The following NPR1 variants were observed in gnomAD, a reference collection of about 807,000 sequenced individuals.
The protein encoded by NPR1 is natriuretic peptide receptor 1, also known as atrial natriuretic peptide receptor 1.
NPR1 carries 57 observed loss-of-function variants against 116.9 expected under a neutral mutation model. The observed-to-expected ratio is 0.49, with a 90% CI of 0.39 to 0.61. The LOEUF is 0.61. Among genes scored for constraint, NPR1 ranks in the 20% least tolerant of loss-of-function variants. NPR1 has a pLI of 0.00. For missense variants in NPR1, 1,096 were observed against 1,409.8 expected, an observed-to-expected ratio of 0.78 and a Z score of 3.56; for synonymous variants, 555 against 601.6, an observed-to-expected ratio of 0.92 and a Z score of 1.13.
rs1669867398 is a variant in NPR1, at chr1:153,684,374, A to ATTTC, written c.1484+562_1484+565dup. Among the ~76,000 whole-genome samples, 2 of 124,604 alleles carry ATTTC rather than the reference A, an allele frequency of 1.6e-5. 1 individual carries two copies. The highest frequency in any genetic ancestry group is 5.7e-5 in the African/African-American group (2 of 35,360). The allele number at this position is 124,604 out of a possible 152,430, so 81.7% of individuals were successfully genotyped here. A position where few individuals can be genotyped will look rare whatever the true frequency, so the allele number is the denominator to read the frequency against. ...TGTGCCAGGCACTTCCACGTACACTATTTCTTTCTTTCTTTTTTTTTTTTT... is the reference window on the plus strand; with the variant it reads ...TGTGCCAGGCACTTCCACGTACACTATTTCTTTCTTTCTTTCTTTTTTTTTTTTT... On this transcript the variant is annotated intron_variant, in intron 7 of 21. Transcript: ENST00000368680.
chr1:153,686,244 G>C, intron 10 of NPR1, 44 bp downstream of exon 10: 2 of 1,564,924 alleles, frequency 1.3e-6, no homozygotes, highest in Non-Finnish European at 1.8e-6. Context: ...GGGGCCCTCG[G>C]GGACGCAAGG....
chr1:153,679,016 G>C lies in NPR1; in HGVS notation c.-93G>C. On this transcript the variant is annotated 5_prime_UTR_variant, in exon 1 of 22. Coordinates refer to ENST00000368680, the MANE Select transcript of NPR1 (RefSeq NM_000906.4). This position sits in a 1 kb window ranked among gnomAD's most constrained non-coding sequence, Gnocchi z 4.2. ...TCCCGCTCCTGCTCCTTCCCATAGGGACGCGCCTGATGCCTGGGACCGGCC... is the reference window on the plus strand; with the variant it reads ...TCCCGCTCCTGCTCCTTCCCATAGGCACGCGCCTGATGCCTGGGACCGGCC... 7.4e-7 allele frequency: 1 copy of C among 1,343,346 alleles called. No homozygotes were observed. Among genetic ancestry groups the C allele is most frequent in the Non-Finnish European group, 9.6e-7 (1 of 1,046,370 alleles). 83.2% of individuals were successfully genotyped at this position (1,343,346 alleles called of 1,614,324 possible).
rs202122245 is a variant in NPR1 at position 153,693,324 on chromosome 1, C to T, written c.3124-28C>T. The T allele has an allele frequency of 1.6e-5, 26 of 1,611,626 alleles. No individual in the cohort carries two copies. In the East Asian group the frequency reaches 5.4e-4, roughly 33 times the overall value. ...ACTGGGGAAAGGGCATGTGCCACTC[C>T]CCAGCCCATCCTCTTTTTTCCCTCC... On this transcript the variant is annotated intron_variant, in intron 21 of 21. Coordinates refer to ENST00000368680, the MANE Select transcript of NPR1 (RefSeq NM_000906.4).
At position 153,691,295 on chromosome 1, in the gene NPR1, G is replaced by A. The variant is rs763156947; in HGVS notation, c.3031+913G>A. 5.3e-5 allele frequency among the ~76,000 whole-genome samples: 8 copies of A among 152,276 alleles called. No individual in the cohort carries two copies. The South Asian group carries it at 6.2e-4, about 12-fold the overall frequency. On this transcript the variant is annotated intron_variant, in intron 20 of 21. Coordinates refer to ENST00000368680, the MANE Select transcript of NPR1 (RefSeq NM_000906.4). ...ACCTAATAAATTCTTACTCCTACCCGCCCCTTGCTCTTGCCTCCTGTTTAT... is the reference window on the plus strand; with the variant it reads ...ACCTAATAAATTCTTACTCCTACCCACCCCTTGCTCTTGCCTCCTGTTTAT...
In NPR1 at chr1:153,687,011, A is replaced by G; in HGVS notation, c.1864-5A>G. Reference sequence around the variant, plus strand: ...GGATTGGTCTGACTCTTATTGCCCCAGCAGGACATTCTGGAGAATGAGAGC... The same window carrying G: ...GGATTGGTCTGACTCTTATTGCCCCGGCAGGACATTCTGGAGAATGAGAGC... On this transcript the variant is annotated splice_polypyrimidine_tract_variant and splice_region_variant and intron_variant, in intron 11 of 21. Coordinates refer to ENST00000368680, the MANE Select transcript of NPR1 (RefSeq NM_000906.4). 1 of 1,614,098 alleles carries G rather than the reference A, an allele frequency of 6.2e-7. No homozygotes were observed. Among genetic ancestry groups the G allele is most frequent in the Non-Finnish European group, 8.5e-7 (1 of 1,179,932 alleles).
In NPR1 at chr1:153,679,438, C is replaced by T. The variant is rs1490735082; in HGVS notation, c.330C>T (p.Pro110=). The part of the protein sequence containing the change: ...AAVDLKWEHN[P]AVFLGPGCVY... ...TGGACCTCAAGTGGGAGCACAACCC[C>T]GCTGTGTTCCTGGGCCCCGGCTGCG... The change falls in exon 1 of 22, where the codon CCC becomes CCT. Residue 110 remains proline, a synonymous_variant. Transcript: ENST00000368680. The surrounding 1 kb of genome is among the most constrained non-coding windows in gnomAD (Gnocchi z 4.2). The T allele has an allele frequency of 6.5e-6, 10 of 1,543,124 alleles. No homozygotes were observed. Among genetic ancestry groups the T allele is most frequent in the East Asian group, 2.4e-5 (1 of 41,272 alleles).
chr1:153,679,890 G>A lies in NPR1; in HGVS notation c.721+61G>A, dbSNP rs1669714242. 6 of 1,507,800 alleles carry A rather than the reference G, an allele frequency of 4.0e-6. No individual in the cohort carries two copies. Among genetic ancestry groups the A allele is most frequent in the Non-Finnish European group, 5.3e-6 (6 of 1,137,678 alleles). 93.4% of individuals were successfully genotyped at this position (1,507,800 alleles called of 1,614,324 possible). A position where few individuals can be genotyped will look rare whatever the true frequency, so the allele number is the denominator to read the frequency against. On this transcript the variant is annotated intron_variant, in intron 1 of 21. Transcript: ENST00000368680. This position sits in a 1 kb window ranked among gnomAD's most constrained non-coding sequence, Gnocchi z 4.2. ...CGCAGGGCCTCCCCTCTGACCTGCC[G>A]GAGGCATCGGGACTTTCTCTCTCAT...
rs1324689367 is a variant in NPR1 at position 153,688,077 on chromosome 1, G to T, written c.2273G>T (p.Gly758Val). The T allele has an allele frequency of 3.7e-6, 6 of 1,611,228 alleles. No homozygotes were observed. In the Admixed American group the frequency reaches 6.7e-5, roughly 18 times the overall value. Residue 758 changes from glycine (G) to valine (V), a missense_variant, in exon 15 of 22, where the codon GGT becomes GTT. Coordinates refer to ENST00000368680, the MANE Select transcript of NPR1 (RefSeq NM_000906.4). ...PKEIIERVTR[G>V]EQPPFRPSLA... ...GAGATCATCGAGCGGGTGACTCGGG[G>T]TGAGCAGCCCCCCTTCCGGCCCTCC...
chr1:153,683,240 G>T, intron 5 of NPR1, 136 bp from the exon 6 acceptor site: 1 of 979,320 alleles, frequency 1.0e-6, no homozygotes, highest in East Asian at 2.7e-5. Context: ...GTGGGGACTT[G>T]GTAAGCAGGT....
rs755544852 is a variant in NPR1 at position 153,688,109 on chromosome 1, C to G, written c.2305C>G (p.Leu769Val). ...GCCCCCCTTCCGGCCCTCCCTGGCC[C>G]TGCAGAGTCACCTGGAGGAGTTGGG... Reference protein sequence around the residue: ...EQPPFRPSLALQSHLEELGLL... With the variant: ...EQPPFRPSLAVQSHLEELGLL... The change falls in exon 15 of 22, where the codon CTG (leucine) becomes GTG (valine). Residue 769 changes from leucine (L) to valine (V), a missense_variant. Transcript: ENST00000368680. 6.2e-7 allele frequency: 1 copy of G among 1,613,812 alleles called. No homozygotes were observed. The highest frequency in any genetic ancestry group is 1.1e-5 in the South Asian group (1 of 91,078).
chr1:153,689,963 G>A lies in NPR1; in HGVS notation c.2915G>A (p.Arg972His), dbSNP rs1417289428. 11 of 1,534,678 alleles carry A rather than the reference G, an allele frequency of 7.2e-6. No homozygotes were observed. The highest frequency in any genetic ancestry group is 1.4e-5 in the African/African-American group (1 of 72,876). Reference protein sequence around the residue: ...RHRPQEQLRLRIGIHTGPVCA... With the variant: ...RHRPQEQLRLHIGIHTGPVCA... ...CGGCCCCAGGAGCAGCTGCGCTTGC[G>A]CATTGGCATCCACACAGGTAAGGCC... Residue 972 changes from arginine to histidine, a missense_variant, in exon 19 of 22, where the codon CGC becomes CAC. Transcript: ENST00000368680. The surrounding 1 kb of genome is among the most constrained non-coding windows in gnomAD (Gnocchi z 5.1).
Position 153,689,543 on chromosome 1 carries a change from G to C in NPR1, c.2757+22G>C. On this transcript the variant is annotated intron_variant, in intron 18 of 21. Coordinates refer to ENST00000368680, the MANE Select transcript of NPR1 (RefSeq NM_000906.4). The surrounding 1 kb of genome is among the most constrained non-coding windows in gnomAD (Gnocchi z 5.1). The stretch of plus-strand genomic sequence containing the variant: ...CAAGGTGAGGGTGGGAGTGGGGATG[G>C]GAAGGGACAGACAGACATGGACAAG... 1.2e-6 allele frequency: 2 copies of C among 1,606,226 alleles called. No homozygotes were observed. Among genetic ancestry groups the C allele is most frequent in the South Asian group, 1.1e-5 (1 of 90,956 alleles).
In NPR1 at chr1:153,681,688, CTGTT is replaced by C. The variant is rs766019039; in HGVS notation, c.1036-13_1036-10del. The C allele has an allele frequency of 1.9e-6, 3 of 1,612,670 alleles. No homozygotes were observed. Among genetic ancestry groups the C allele is most frequent in the Non-Finnish European group, 2.5e-6 (3 of 1,178,968 alleles). On this transcript the variant is annotated splice_polypyrimidine_tract_variant and intron_variant, in intron 3 of 21. Transcript: ENST00000368680. ...TTCATATGCCCACCCCAGCCGACCTCTGTTTGCCCCTACAGGTGAACACCATCCC... is the reference window on the plus strand; with the variant it reads ...TTCATATGCCCACCCCAGCCGACCTCTGCCCCTACAGGTGAACACCATCCC...
rs1669668347 is a variant in NPR1, at chr1:153,678,740, C to G, written c.-369C>G. The stretch of plus-strand genomic sequence containing the variant: ...CGCTACAAACACACACTCCTCTTTC[C>G]TCCCTCGCGCGCCCTCTCTCATCCT... On this transcript the variant is annotated 5_prime_UTR_variant, in exon 1 of 22. Coordinates refer to ENST00000368680, the MANE Select transcript of NPR1 (RefSeq NM_000906.4). The surrounding 1 kb of genome is among the most constrained non-coding windows in gnomAD (Gnocchi z 5.8). 3.7e-6 allele frequency: 1 copy of G among 270,298 alleles called. No individual in the cohort carries two copies. The highest frequency in any genetic ancestry group is 6.9e-6 in the Non-Finnish European group (1 of 145,138). 16.7% of individuals were successfully genotyped at this position (270,298 alleles called of 1,614,324 possible).
chr1:153,685,214 C>A, intron 8 of NPR1, 130 bp downstream of exon 8: 2 of 1,233,050 alleles, frequency 1.6e-6, no homozygotes, highest in Non-Finnish European at 2.2e-6. Flanking sequence ...TGACCTTGAG[C>A]GACTCATAGT....
rs1557962577 is a variant in NPR1, at chr1:153,685,056, G to A, written c.1577G>A (p.Ser526Asn). ...EPSSLERHLR[S>N]AGSRLTLSGR... The stretch of plus-strand genomic sequence containing the variant: ...AGTAGCCTTGAGAGGCACCTGCGGA[G>A]TGCAGGCAGCCGGCTGACCCTGAGC... Residue 526 changes from serine (S) to asparagine (N), a missense_variant, in exon 8 of 22, where the codon AGT (serine) becomes AAT (asparagine). Ser to Asn is a conservative substitution (Grantham distance 46). Coordinates refer to ENST00000368680, the MANE Select transcript of NPR1 (RefSeq NM_000906.4). 5 of 1,614,100 alleles carry A rather than the reference G, an allele frequency of 3.1e-6. No individual in the cohort carries two copies. The highest frequency in any genetic ancestry group is 4.2e-6 in the Non-Finnish European group (5 of 1,180,026).
chr1:153,688,918 C>T (rs1670009736), intron 15 of NPR1, 35 bp from the exon 16 acceptor site: 1 of 1,613,278 alleles, frequency 6.2e-7, no homozygotes, highest in African/African-American at 1.3e-5. Context: ...TGCTGCTCCT[C>T]TCTTACCACC....
Position 153,685,003 on chromosome 1 carries a change from G to T in NPR1, c.1524G>T (p.Trp508Cys). The T allele has an allele frequency of 6.2e-7, 1 of 1,614,110 alleles. No individual in the cohort carries two copies. The highest frequency in any genetic ancestry group is 8.5e-7 in the Non-Finnish European group (1 of 1,179,974). Residue 508 changes from tryptophan to cysteine, a missense_variant, in exon 8 of 22, where the codon TGG (tryptophan) becomes TGT (cysteine). Transcript: ENST00000368680. ...QLEKELASEL[W>C]RVRWEDVEPS... ...AGAAGGAACTGGCCTCGGAGCTGTG[G>T]CGGGTGCGCTGGGAGGACGTTGAGC...
rs751951729 is a variant in NPR1, at chr1:153,688,095, G to A, written c.2291G>A (p.Arg764Gln). Residue 764 changes from arginine (R) to glutamine (Q), a missense_variant, in exon 15 of 22, where the codon CGG (arginine) becomes CAG (glutamine). Coordinates refer to ENST00000368680, the MANE Select transcript of NPR1 (RefSeq NM_000906.4). ...RVTRGEQPPF[R>Q]PSLALQSHLE... ...ACTCGGGGTGAGCAGCCCCCCTTCCGGCCCTCCCTGGCCCTGCAGAGTCAC... is the reference window on the plus strand; with the variant it reads ...ACTCGGGGTGAGCAGCCCCCCTTCCAGCCCTCCCTGGCCCTGCAGAGTCAC... 17 of 1,612,590 alleles carry A rather than the reference G, an allele frequency of 1.1e-5. No homozygotes were observed. The African/African-American group carries it at 1.3e-4, about 13-fold the overall frequency.
Sources: allele counts gnomAD v4.1 joint callset (sites outside exome capture counted in the v4.1 genomes callset), GRCh38; gene constraint gnomAD v4.1.1; non-coding constraint Gnocchi (gnomAD v3.1); transcripts MANE v1.5; gene names NCBI Gene and HGNC (gene_info 2026-07-23, HGNC 2026-07-21).